ZNF71: variants seen among roughly 807,000 people sequenced by gnomAD.
ZNF71 encodes zinc finger protein 71.
ZNF71 carries 3 observed loss-of-function variants against 6.7 expected under a neutral mutation model. The observed-to-expected ratio is 0.45, with a 90% CI of 0.20 to 1.16. The LOEUF is 1.16. Ranked by LOEUF, ZNF71 falls within the 50% of genes most tolerant of loss-of-function variation. The pLI is 0.25. For synonymous variants in ZNF71, 343 were observed against 311.1 expected, an observed-to-expected ratio of 1.10 and a Z score of -1.08; for missense variants, 688 against 728.6, an observed-to-expected ratio of 0.94 and a Z score of 0.64.
In ZNF71 at chr19:56,618,857, C is replaced by A. The variant is rs182700249; in HGVS notation, c.161-2411C>A. On this transcript the variant is annotated intron_variant, in intron 3 of 3. Transcript: ENST00000599599. This position sits in a 1 kb window ranked among gnomAD's most constrained non-coding sequence, Gnocchi z 4.6. The stretch of plus-strand genomic sequence containing the variant: ...CATTCTCAGTACCGTAGGGAGGTCA[C>A]GGGAGGGTTGATCTGACTCCTCAGA... Among the ~76,000 whole-genome samples the A allele has an allele frequency of 6.6e-6, 1 of 152,054 alleles. No individual in the cohort carries two copies. The highest frequency in any genetic ancestry group is 2.1e-4 in the South Asian group (1 of 4,822).
chr19:56,622,589 C>T lies in ZNF71; in HGVS notation c.1482C>T (p.Gly494=). The change falls in exon 4 of 4, where the codon GGC becomes GGT. Residue 494 remains glycine (G), a synonymous_variant. Transcript: ENST00000599599. ...TCGAGCACCAGCGGATCCACACCGG[C>T]GAGAAGCCGTACAGGTGCGGCCAGT... ...YLIEHQRIHT[G]EKPYRCGQCG... is the part of the protein sequence containing the mutation. 6.2e-7 allele frequency: 1 copy of T among 1,613,482 alleles called. No homozygotes were observed. The highest frequency in any genetic ancestry group is 2.2e-5 in the East Asian group (1 of 44,850).
At chr19:56,601,646 T>C in intron 2 of ZNF71, 55 bp downstream of exon 2, 1 of 978,452 alleles carries the variant, frequency 1.0e-6, no homozygotes, top group Non-Finnish European at 1.2e-6. Context: ...CTGCCTTGGG[T>C]GAGCCTCTGC....
intron 1 of ZNF71, among the ~76,000 whole-genome samples, chr19:56,597,219 T>C (rs1161364466): frequency 1.3e-5 from 2 of 152,186 alleles, no homozygotes; most frequent in Non-Finnish European, 2.9e-5. Context: ...ACTGGGTAAG[T>C]GGGCTCTGGT....
intron 3 of ZNF71, among the ~76,000 whole-genome samples, chr19:56,615,558 G>GTTT (rs60056272): frequency 5.0e-5 from 7 of 141,060 alleles, no homozygotes; most frequent in Non-Finnish European, 7.7e-5. Flanking sequence ...GTCTTTTCCT[G>GTTT]TTTTTTTTTT....
intron 1 of ZNF71, among the ~76,000 whole-genome samples, chr19:56,596,628 G>A (rs2044627300): frequency 6.6e-6 from 1 of 152,156 alleles, no homozygotes; most frequent in Non-Finnish European, 1.5e-5. Context: ...ATTTGTTCAG[G>A]GAATGTGTAT....
intron 3 of ZNF71, among the ~76,000 whole-genome samples, chr19:56,619,595 G>C (rs1193356063): frequency 6.6e-6 from 1 of 152,212 alleles, no homozygotes; most frequent in African/African-American, 2.4e-5. Context: ...AAGCAGGTCT[G>C]GGCTGAAGGT....
intron 3 of ZNF71, among the ~76,000 whole-genome samples, chr19:56,617,503 G>A (rs74756888): frequency 2.7e-5 from 2 of 74,212 alleles, no homozygotes; most frequent in African/African-American, 2.1e-4. Context: ...TGTGAAGGAC[G>A]AGATTTAGCA....
chr19:56,616,858 C>T (rs2044796458), intron 3 of ZNF71, among the ~76,000 whole-genome samples: 1 of 152,180 alleles, frequency 6.6e-6, no homozygotes, highest in African/African-American at 2.4e-5. Context: ...AGTTGTAGGA[C>T]CCACCTTGTT....
At chr19:56,615,171 G>T (rs1245858747) in intron 3 of ZNF71, among the ~76,000 whole-genome samples, 1 of 152,218 alleles carries the variant, frequency 6.6e-6, no homozygotes, top group South Asian at 2.1e-4. Flanking sequence ...TCCAGTTCTG[G>T]GCTATTACAA....
rs1384814269 is a variant in ZNF71 at position 56,621,862 on chromosome 19, G to A, written c.755G>A (p.Gly252Asp). ...AAGCCCTATGCCTGCGGGGACTGCG[G>A]CAAGGCCTTCAGCCAGCGCATGAAC... The part of the protein sequence containing the change: ...GEKPYACGDC[G>D]KAFSQRMNLT... Residue 252 changes from glycine (G) to aspartate (D), a missense_variant, in exon 4 of 4, where the codon GGC (glycine) becomes GAC (aspartate). Gly to Asp is a moderately conservative substitution (Grantham distance 94). Transcript: ENST00000599599. 2 of 1,612,088 alleles carry A rather than the reference G, an allele frequency of 1.2e-6. No individual in the cohort carries two copies. The highest frequency in any genetic ancestry group is 1.3e-5 in the African/African-American group (1 of 75,038).
In ZNF71 at chr19:56,611,219, A is replaced by G. The variant is rs141444894; in HGVS notation, c.34-2593A>G. Among the ~76,000 whole-genome samples, 97 of 152,288 alleles carry G rather than the reference A, an allele frequency of 6.4e-4. 1 individual carries two copies. The highest frequency in any genetic ancestry group is 2.2e-3 in the African/African-American group (92 of 41,564). ...AGGGCTGGAGCAGAGCACAAGGGGCAGAGCAGTTGTGGGGACAGTGTGGGG... is the reference window on the plus strand; with the variant it reads ...AGGGCTGGAGCAGAGCACAAGGGGCGGAGCAGTTGTGGGGACAGTGTGGGG... On this transcript the variant is annotated intron_variant, in intron 2 of 3. Transcript: ENST00000599599.
chr19:56,611,008 G>A (rs2044748006), intron 2 of ZNF71, among the ~76,000 whole-genome samples: 2 of 152,150 alleles, frequency 1.3e-5, no homozygotes, highest in South Asian at 4.1e-4. Context: ...AGGAACATGG[G>A]TGTGCAAATA....
rs1030954637 is a variant in ZNF71 at position 56,622,250 on chromosome 19, C to T, written c.1143C>T (p.Thr381=). The change falls in exon 4 of 4, where the codon ACC becomes ACT. Residue 381 remains threonine, a synonymous_variant. Coordinates refer to ENST00000599599, the MANE Select transcript of ZNF71 (RefSeq NM_001370215.1). ...TCACCCTGCACCAGAGGAACCACAC[C>T]GGCGAGAAGCCCTACGTGTGCGGCG... The part of the protein sequence containing the change: ...SSLTLHQRNH[T]GEKPYVCGEC... 1 of 1,605,210 alleles carries T rather than the reference C, an allele frequency of 6.2e-7. No individual in the cohort carries two copies. The highest frequency in any genetic ancestry group is 8.5e-7 in the Non-Finnish European group (1 of 1,174,170).
chr19:56,615,541 T>C (rs2044783956), intron 3 of ZNF71, among the ~76,000 whole-genome samples: 1 of 141,080 alleles, frequency 7.1e-6, no homozygotes, highest in Admixed American at 7.3e-5. Context: ...GTAAAGTATC[T>C]GTTCAAGTCT....
chr19:56,613,902 G>A lies in ZNF71; in HGVS notation c.124G>A (p.Val42Ile). 2.8e-6 allele frequency: 3 copies of A among 1,088,316 alleles called. No homozygotes were observed. The highest frequency in any genetic ancestry group is 3.4e-6 in the Non-Finnish European group (3 of 878,766). The allele number at this position is 1,088,316 out of a possible 1,614,324, so 67.4% of individuals were successfully genotyped here. Residue 42 changes from valine (V) to isoleucine (I), a missense_variant, in exon 3 of 4, where the codon GTC becomes ATC. Physicochemically the swap from Val to Ile is conservative, Grantham distance 29 (BLOSUM62 3). Transcript: ENST00000599599. The surrounding 1 kb of genome is among the most constrained non-coding windows in gnomAD (Gnocchi z 4.6). ...TGCCCAGAAGGACCTGTACAGGGAT[G>A]TCATGCTGGAGAACTACAGGAACCT... is the stretch of plus-strand genomic sequence containing the variant. ...EPAQKDLYRDVMLENYRNLVS... is the reference protein window; with the variant it reads ...EPAQKDLYRDIMLENYRNLVS...
intron 2 of ZNF71, among the ~76,000 whole-genome samples, chr19:56,611,311 G>A (rs576998947): frequency 1.1e-4 from 16 of 152,292 alleles, no homozygotes; most frequent in Admixed American, 3.3e-4. Context: ...CGCTCTGGGT[G>A]GTTCGTGAGA....
intron 1 of ZNF71, among the ~76,000 whole-genome samples, chr19:56,597,380 A>G (rs111649458): frequency 2.0e-4 from 31 of 152,340 alleles, no homozygotes; most frequent in African/African-American, 6.3e-4. Flanking sequence ...CAGGGAAACA[A>G]TTCAAAGGAA....
intron 1 of ZNF71, among the ~76,000 whole-genome samples, chr19:56,595,873 G>GTGTT (rs919730917): frequency 2.6e-5 from 4 of 151,068 alleles, no homozygotes; most frequent in African/African-American, 9.7e-5. Context: ...GTGTGTGTGT[G>GTGTT]TGTGTGTGTG....
rs753057359 is a variant in ZNF71, at chr19:56,621,588, G to T, written c.481G>T (p.Ala161Ser). 7 of 1,614,216 alleles carry T rather than the reference G, an allele frequency of 4.3e-6. No homozygotes were observed. In the East Asian group the frequency reaches 1.6e-4, roughly 36 times the overall value. Residue 161 changes from alanine to serine, a missense_variant, in exon 4 of 4, where the codon GCC becomes TCC. Ala to Ser is a moderately conservative substitution (Grantham distance 99, BLOSUM62 1). Coordinates refer to ENST00000599599, the MANE Select transcript of ZNF71 (RefSeq NM_001370215.1). ...PRLDDPTEKG[A>S]CPPVRRGKNF... is the part of the protein sequence containing the mutation. ...GCTGGACGACCCCACAGAAAAGGGG[G>T]CCTGTCCACCCGTAAGGCGTGGCAA...
Sources: gnomAD v4.1 joint callset for allele counts (sites outside exome capture counted in the v4.1 genomes callset) on GRCh38, gnomAD v4.1.1 for gene constraint, Gnocchi (gnomAD v3.1) non-coding constraint, MANE v1.5 for transcripts, NCBI Gene and HGNC (gene_info 2026-07-23, HGNC 2026-07-21) for gene names.